Variants in DNAH6 observed in about 807,000 individuals in gnomAD.
The protein encoded by DNAH6 is axonemal beta dynein heavy chain 6.
In DNAH6, 340 loss-of-function variants were observed where a neutral mutation model predicts 491.4. The ratio of observed to expected loss-of-function variants is 0.69; its 90% CI spans 0.63 to 0.76. The LOEUF is 0.76. Ranked by LOEUF, DNAH6 falls within the 30% of genes least tolerant of loss-of-function variation. The probability of loss-of-function intolerance (pLI) is 0.00; values close to 1 mark genes in which losing one functional copy is unlikely to be tolerated. For synonymous variants in DNAH6, 1,603 were observed against 1,686.1 expected, an observed-to-expected ratio of 0.95 and a Z score of 1.21; for missense variants, 4,443 against 4,972.2, an observed-to-expected ratio of 0.89 and a Z score of 3.20.
intron 60 of DNAH6, among the ~76,000 whole-genome samples, 165 bp downstream of exon 60, chr2:84,722,969 T>C (rs1698305921): frequency 6.6e-6 from 1 of 152,202 alleles, no homozygotes; most frequent in African/African-American, 2.4e-5. Context: ...GGCTCACACC[T>C]GTAATCCCAG....
intron 68 of DNAH6, among the ~76,000 whole-genome samples, chr2:84,789,474 A>C (rs1298648385): frequency 6.6e-6 from 1 of 152,230 alleles, no homozygotes; most frequent in South Asian, 2.1e-4. Flanking sequence ...CAGGAGATGG[A>C]ACATGGCTTT....
chr2:84,698,166 A>G (rs1278351836), intron 47 of DNAH6, among the ~76,000 whole-genome samples: 1 of 152,170 alleles, frequency 6.6e-6, no homozygotes, highest in Non-Finnish European at 1.5e-5. Flanking sequence ...GTACACTTCC[A>G]TTCTCCAGCA....
intron 50 of DNAH6, 78 bp downstream of exon 50, chr2:84,703,640 A>G: frequency 8.2e-7 from 1 of 1,212,324 alleles, no homozygotes; most frequent in Non-Finnish European, 1.1e-6. Flanking sequence ...ACACGATTGG[A>G]TTTTTTTATT....
chr2:84,512,412 C>A (rs1225417910), upstream of DNAH6, among the ~76,000 whole-genome samples: 1 of 152,152 alleles, frequency 6.6e-6, no homozygotes, highest in Non-Finnish European at 1.5e-5. Context: ...AATAACTACC[C>A]TACTCCCAAG....
In DNAH6 at chr2:84,579,490, T is replaced by C. The variant is rs749335264; in HGVS notation, c.2077-37T>C. On this transcript the variant is annotated intron_variant, in intron 13 of 76. Coordinates refer to ENST00000389394, the MANE Select transcript of DNAH6 (RefSeq NM_001370.2). Reference sequence around the variant, plus strand: ...GAAATACATAATAAAATGAAAATATTCGACTATTTACAATTCACACGGTGT... The same window carrying C: ...GAAATACATAATAAAATGAAAATATCCGACTATTTACAATTCACACGGTGT... 1.9e-5 allele frequency: 31 copies of C among 1,602,600 alleles called. No individual in the cohort carries two copies. The South Asian group carries it at 2.4e-4, about 13-fold the overall frequency.
At chr2:84,639,987 CTT>C (rs1174885936) in intron 31 of DNAH6, among the ~76,000 whole-genome samples, 1 of 152,222 alleles carries the variant, frequency 6.6e-6, no homozygotes, top group Non-Finnish European at 1.5e-5. Flanking sequence ...GGCTGACAAT[CTT>C]TGCATGGCTT....
At chr2:84,499,654 G>A in the DNAH6 span, among the ~76,000 whole-genome samples, 2 of 152,076 alleles carry the variant, frequency 1.3e-5, no homozygotes, top group African/African-American at 2.4e-5. Flanking sequence ...TTGGATTCCC[G>A]CCATCACTGT....
At chr2:84,731,941 C>A (rs993676653) in intron 61 of DNAH6, among the ~76,000 whole-genome samples, 2 of 152,116 alleles carry the variant, frequency 1.3e-5, no homozygotes, top group Non-Finnish European at 2.9e-5. Context: ...AATCAGCCCA[C>A]AATTAGTGGT....
chr2:84,751,611 T>G (rs1055428275), intron 63 of DNAH6, among the ~76,000 whole-genome samples: 13 of 152,238 alleles, frequency 8.5e-5, no homozygotes, highest in Admixed American at 6.5e-4. Flanking sequence ...TATCAACTTC[T>G]CAGGAAAAGG....
chr2:84,760,863 G>A (rs1027523527), intron 63 of DNAH6, among the ~76,000 whole-genome samples: 3 of 152,042 alleles, frequency 2.0e-5, no homozygotes, highest in Admixed American at 6.5e-5. Flanking sequence ...CACCTGCCTC[G>A]ACCTCCTGAA....
chr2:84,713,076 T>C lies in DNAH6; in HGVS notation c.9379-19T>C, dbSNP rs990217230. The C allele has an allele frequency of 1.7e-5, 27 of 1,544,786 alleles. No homozygotes were observed. Among genetic ancestry groups the C allele is most frequent in the African/African-American group, 2.8e-5 (2 of 72,402 alleles). The stretch of plus-strand genomic sequence containing the variant: ...AATTGCTTCTTTTTGTATTGTCCTG[T>C]TTTGTTTTAATTTCTAAGCTTAAGG... On this transcript the variant is annotated intron_variant, in intron 56 of 76. Transcript: ENST00000389394.
At chr2:84,724,515 AC>A (rs1698445079) in intron 60 of DNAH6, among the ~76,000 whole-genome samples, 1 of 152,132 alleles carries the variant, frequency 6.6e-6, no homozygotes, top group East Asian at 1.9e-4. Flanking sequence ...CCCAAGACTA[AC>A]TGGATGCTTT....
At chr2:84,582,154 C>G (rs890054182) in intron 14 of DNAH6, among the ~76,000 whole-genome samples, 8 of 152,154 alleles carry the variant, frequency 5.3e-5, no homozygotes, top group African/African-American at 1.7e-4. Context: ...CAAAAACTCA[C>G]ATAAATAGCT....
rs565389086 is a variant in DNAH6 at position 84,619,849 on chromosome 2, C to A, written c.3737C>A (p.Pro1246Gln). Residue 1246 changes from proline to glutamine, a missense_variant, in exon 24 of 77, where the codon CCA becomes CAA. This residue lies in a region of DNAH6 where 2,977 missense variants were observed against 3,296.6 expected (regional missense o/e 0.90). Transcript: ENST00000389394. ...AAGATTCCTGGTATTGATGGAGAACCAGAAAAGGTTTATACTAATGATATT... is the reference window on the plus strand; with the variant it reads ...AAGATTCCTGGTATTGATGGAGAACAAGAAAAGGTTTATACTAATGATATT... ...EGKIPGIDGE[P>Q]EKVYTNDILA... 6.4e-7 allele frequency: 1 copy of A among 1,551,312 alleles called. No homozygotes were observed. Among genetic ancestry groups the A allele is most frequent in the Non-Finnish European group, 8.7e-7 (1 of 1,146,770 alleles).
At chr2:84,679,118 T>C (rs936606633) in intron 41 of DNAH6, among the ~76,000 whole-genome samples, 1 of 152,208 alleles carries the variant, frequency 6.6e-6, no homozygotes, top group African/African-American at 2.4e-5. Flanking sequence ...TAGCAACATA[T>C]ATAAATAGAT....
chr2:84,569,322 A>C (rs916608138), intron 11 of DNAH6, among the ~76,000 whole-genome samples: 1 of 152,126 alleles, frequency 6.6e-6, no homozygotes, highest in Non-Finnish European at 1.5e-5. Flanking sequence ...AGTTTATGTC[A>C]GAAGTAGGAA....
chr2:84,772,500 G>A (rs1675722382), intron 64 of DNAH6, among the ~76,000 whole-genome samples: 1 of 151,938 alleles, frequency 6.6e-6, no homozygotes, highest in East Asian at 1.9e-4. Context: ...GAGCTGAAGT[G>A]GCTATAATAA....
At chr2:84,516,035 C>T (rs146010969), upstream of DNAH6, among the ~76,000 whole-genome samples, 1 of 152,288 alleles carries the variant, frequency 6.6e-6, no homozygotes, top group Non-Finnish European at 1.5e-5. Context: ...GGCAGGGATG[C>T]AGAGTGGTTG....
chr2:84,554,219 A>T lies in DNAH6; in HGVS notation c.1602+1185A>T, dbSNP rs113075404. On this transcript the variant is annotated intron_variant, in intron 10 of 76. Coordinates refer to ENST00000389394, the MANE Select transcript of DNAH6 (RefSeq NM_001370.2). Reference sequence around the variant, plus strand: ...CTTGATTCAGTCACATCTATCAAGGATAATCACTTTTGACTAACTCGAAAA... The same window carrying T: ...CTTGATTCAGTCACATCTATCAAGGTTAATCACTTTTGACTAACTCGAAAA... Among the ~76,000 whole-genome samples, 959 of 152,322 alleles carry T rather than the reference A, an allele frequency of 6.3e-3. 9 individuals are homozygous for T. Among genetic ancestry groups the T allele is most frequent in the African/African-American group, 0.022 (899 of 41,570 alleles).
Sources: allele counts gnomAD v4.1 joint callset (sites outside exome capture counted in the v4.1 genomes callset), GRCh38; gene constraint gnomAD v4.1.1; regional missense constraint gnomAD v4.1.1; transcripts MANE v1.5; gene names NCBI Gene and HGNC (gene_info 2026-07-23, HGNC 2026-07-21).